The following NHS variants were observed in gnomAD, a reference collection of about 807,000 sequenced individuals.
The protein encoded by NHS is NHS actin remodeling regulator.
Under a neutral mutation model 72.5 loss-of-function variants are expected in NHS, and 5 were observed. The ratio of observed to expected loss-of-function variants is 0.07; its 90% CI spans 0.04 to 0.14. The LOEUF is 0.14. NHS is among the 10% of genes least tolerant of loss of function. NHS has a pLI of 1.00. For missense variants in NHS, 1,072 were observed against 1,355.7 expected (o/e 0.79, Z 3.29); for synonymous variants, 464 against 547.7 (o/e 0.85, Z 2.13).
chrX:17,713,855 T>C (rs2066349504), intron 3 of NHS, among the ~76,000 whole-genome samples: 2 of 112,271 alleles, frequency 1.8e-5, no homozygotes, highest in Admixed American at 1.9e-4. Flanking sequence ...ATTTGGCTGC[T>C]TTTGAGCATA....
At chrX:17,428,079 A>G (rs965542570) in intron 1 of NHS, among the ~76,000 whole-genome samples, 2 of 112,362 alleles carry the variant, frequency 1.8e-5, no homozygotes, top group Non-Finnish European at 3.8e-5. Flanking sequence ...TATCATATAC[A>G]TGCTTTAAGT....
intron 1 of NHS, among the ~76,000 whole-genome samples, chrX:17,572,491 C>CTTTTTTTT (rs760577193): frequency 8.6e-5 from 4 of 46,774 alleles, no homozygotes; most frequent in African/African-American, 3.9e-4. Context: ...GCAACCCCTG[C>CTTTTTTTT]TTTTTTTTTT....
chrX:17,395,800 A>T (rs1052280394), intron 1 of NHS, among the ~76,000 whole-genome samples: 7 of 112,423 alleles, frequency 6.2e-5, no homozygotes, highest in African/African-American at 2.3e-4. Flanking sequence ...GTTATTTCAG[A>T]ATTTGATCTA....
intron 1 of NHS, among the ~76,000 whole-genome samples, chrX:17,676,510 A>C (rs756712567): frequency 8.9e-6 from 1 of 112,880 alleles, no homozygotes; most frequent in Non-Finnish European, 1.9e-5. Context: ...GTCATTCACC[A>C]AGGAGTTTTA....
At chrX:17,485,535 G>A (rs958274391) in intron 1 of NHS, among the ~76,000 whole-genome samples, 10 of 111,039 alleles carry the variant, frequency 9.0e-5, no homozygotes, top group Non-Finnish European at 1.3e-4. Flanking sequence ...GTTGGCCCAG[G>A]TTGGATAATA....
At chrX:17,452,277 C>T (rs189107769) in intron 1 of NHS, among the ~76,000 whole-genome samples, 51 of 111,752 alleles carry the variant, frequency 4.6e-4, no homozygotes, top group African/African-American at 1.6e-3. Flanking sequence ...TGCAAAGTTT[C>T]GTTTCCAGTT....
chrX:17,692,496 A>G, intron 3 of NHS, 28 bp downstream of exon 3: 1 of 1,208,630 alleles, frequency 8.3e-7, no homozygotes, highest in Non-Finnish European at 1.1e-6. Context: ...CTGCAGCCCT[A>G]TGCTTGCTGC....
At chrX:17,622,644 G>T (rs1034020428) in intron 1 of NHS, among the ~76,000 whole-genome samples, 2 of 112,145 alleles carry the variant, frequency 1.8e-5, no homozygotes, top group African/African-American at 6.5e-5. Flanking sequence ...CCGGGCTGTT[G>T]GGGTACACCC....
intron 3 of NHS, among the ~76,000 whole-genome samples, chrX:17,712,893 AG>A (rs2066343199): frequency 1.8e-5 from 2 of 111,636 alleles, no homozygotes; most frequent in African/African-American, 6.5e-5. Flanking sequence ...AAACCCAGAA[AG>A]GGAAGAAGCC....
At chrX:17,632,242 G>A (rs914253121) in intron 1 of NHS, among the ~76,000 whole-genome samples, 1 of 111,466 alleles carries the variant, frequency 9.0e-6, no homozygotes, top group Non-Finnish European at 1.9e-5. Flanking sequence ...GGAAAATAAG[G>A]CACTAAGAGA....
At chrX:17,620,808 A>G (rs1042536732) in intron 1 of NHS, among the ~76,000 whole-genome samples, 1 of 111,379 alleles carries the variant, frequency 9.0e-6, no homozygotes, top group Non-Finnish European at 1.9e-5. Context: ...GATGAGGGAA[A>G]GTGGCCTGTC....
At chrX:17,466,215 G>T in intron 1 of NHS, among the ~76,000 whole-genome samples, 1 of 113,092 alleles carries the variant, frequency 8.8e-6, no homozygotes, top group Non-Finnish European at 1.9e-5. Flanking sequence ...TGAGGCTGGA[G>T]AGAAGGAGAT....
chrX:17,692,382 C>G lies in NHS; in HGVS notation c.766C>G (p.Leu256Val), dbSNP rs200598087. Residue 256 changes from leucine to valine, a missense_variant, in exon 3 of 9, where the codon CTT becomes GTT. Leu to Val is a conservative substitution (Grantham distance 32). Coordinates refer to ENST00000676302, the MANE Select transcript of NHS (RefSeq NM_001291867.2). ...DRREQRAAAPLSIAAPPLPAY... is the reference protein window; with the variant it reads ...DRREQRAAAPVSIAAPPLPAY... ...CCGAGAGCAAAGAGCAGCTGCCCCC[C>G]TTTCCATTGCAGCTCCTCCACTGCC... The G allele has an allele frequency of 1.2e-4, 141 of 1,208,245 alleles. No homozygotes were observed. In the South Asian group the frequency reaches 1.3e-3, roughly 11 times the overall value.
intron 1 of NHS, among the ~76,000 whole-genome samples, chrX:17,566,958 A>C (rs1183420713): frequency 9.0e-6 from 1 of 111,209 alleles, no homozygotes; most frequent in Non-Finnish European, 1.9e-5. Flanking sequence ...TACCTCTCAG[A>C]GTTACATTAT....
chrX:17,581,021 A>G (rs1381475725), intron 1 of NHS, among the ~76,000 whole-genome samples: 1 of 111,533 alleles, frequency 9.0e-6, no homozygotes, highest in East Asian at 2.8e-4. Flanking sequence ...CTTAATCATT[A>G]GTTTCAAGGG....
At chrX:17,459,645 C>T (rs896066914) in intron 1 of NHS, among the ~76,000 whole-genome samples, 1 of 112,133 alleles carries the variant, frequency 8.9e-6, no homozygotes, top group African/African-American at 3.2e-5. Context: ...TTCCTTCCCT[C>T]TCTATCTCCT....
intron 1 of NHS, among the ~76,000 whole-genome samples, chrX:17,471,745 G>A (rs1317430794): frequency 8.9e-6 from 1 of 112,240 alleles, no homozygotes; most frequent in Non-Finnish European, 1.9e-5. Flanking sequence ...TAACAAGACA[G>A]AAAATCTGTC....
chrX:17,463,860 G>A (rs1459687051), intron 1 of NHS, among the ~76,000 whole-genome samples: 1 of 112,125 alleles, frequency 8.9e-6, no homozygotes, highest in Non-Finnish European at 1.9e-5. Flanking sequence ...ATCGAATGCT[G>A]ATAGACTGAG....
intron 1 of NHS, among the ~76,000 whole-genome samples, chrX:17,664,460 T>A (rs1212152349): frequency 8.9e-6 from 1 of 112,070 alleles, no homozygotes; most frequent in Non-Finnish European, 1.9e-5. Flanking sequence ...GAAAACTCCT[T>A]CCTTTCTCCC....
Sources: gnomAD v4.1 joint callset for allele counts (sites outside exome capture counted in the v4.1 genomes callset) on GRCh38, gnomAD v4.1.1 for gene constraint, MANE v1.5 for transcripts, NCBI Gene and HGNC (gene_info 2026-07-23, HGNC 2026-07-21) for gene names.